The following KDM4C variants were observed in gnomAD, a reference collection of about 807,000 sequenced individuals.
The protein encoded by KDM4C is lysine-specific demethylase 4C.
A neutral mutation model predicts 129.3 loss-of-function variants in KDM4C; 81 were observed. The observed-to-expected ratio is 0.63, with a 90% CI of 0.52 to 0.75. KDM4C has a LOEUF of 0.75. Among genes scored for constraint, KDM4C ranks in the 30% least tolerant of loss-of-function variants. The pLI, the probability that KDM4C is intolerant of heterozygous loss-of-function variation, is 0.00. For synonymous variants in KDM4C, 573 were observed against 456.1 expected, an observed-to-expected ratio of 1.26 and a Z score of -3.26; for missense variants, 1,457 against 1,304.0, an observed-to-expected ratio of 1.12 and a Z score of -1.81.
In KDM4C at chr9:6,928,154, T is replaced by C. The variant is rs1183447939; in HGVS notation, c.921+34922T>C. On this transcript the variant is annotated intron_variant, in intron 8 of 21. Transcript: ENST00000381309. Reference sequence around the variant, plus strand: ...CAGGAGTCAGTTCTTCATCCTCATGTTACTCAACCCCTCACCCTCTCCATC... The same window carrying C: ...CAGGAGTCAGTTCTTCATCCTCATGCTACTCAACCCCTCACCCTCTCCATC... Among the ~76,000 whole-genome samples the C allele has an allele frequency of 3.3e-5, 5 of 152,302 alleles. No homozygotes were observed. In the South Asian group the frequency reaches 1.0e-3, roughly 32 times the overall value.
At chr9:6,913,472 G>T (rs905710586) in intron 8 of KDM4C, among the ~76,000 whole-genome samples, 2 of 152,138 alleles carry the variant, frequency 1.3e-5, no homozygotes, top group Non-Finnish European at 2.9e-5. Flanking sequence ...CATACCTTGC[G>T]CCAGCTGGTG....
intron 1 of KDM4C, among the ~76,000 whole-genome samples, chr9:6,747,233 C>T (rs1337934490): frequency 2.1e-5 from 3 of 143,922 alleles, no homozygotes; most frequent in Middle Eastern, 7.0e-3. Flanking sequence ...AACCAAAGAA[C>T]CTGAGAACAA....
At chr9:6,945,112 C>G (rs1826710685) in intron 8 of KDM4C, among the ~76,000 whole-genome samples, 1 of 152,168 alleles carries the variant, frequency 6.6e-6, no homozygotes, top group African/African-American at 2.4e-5. Flanking sequence ...CCTTCCACCT[C>G]TTACTCACTG....
At chr9:6,777,490 G>A (rs113947922) in intron 1 of KDM4C, among the ~76,000 whole-genome samples, 335 of 152,254 alleles carry the variant, frequency 2.2e-3, no homozygotes, top group African/African-American at 7.8e-3. Context: ...AATGTGATCT[G>A]CCTCATTTTA....
chr9:6,789,132 C>G (rs1826036750), intron 1 of KDM4C, among the ~76,000 whole-genome samples: 2 of 151,440 alleles, frequency 1.3e-5, no homozygotes, highest in South Asian at 2.1e-4. Flanking sequence ...TCACTGCACC[C>G]TCTGCCCCCC....
At position 6,805,672 on chromosome 9, in the gene KDM4C, T is replaced by C; in HGVS notation, c.218T>C (p.Ile73Thr). Residue 73 changes from isoleucine (I) to threonine (T), a missense_variant, in exon 3 of 22, where the codon ATT becomes ACT. Transcript: ENST00000381309. ...DIDNLLIPAPIQQMVTGQSGL... is the reference protein window; with the variant it reads ...DIDNLLIPAPTQQMVTGQSGL... Reference sequence around the variant, plus strand: ...GATAATTTGCTCATTCCAGCACCAATTCAGCAGATGGTCACAGGGCAGTCA... The same window carrying C: ...GATAATTTGCTCATTCCAGCACCAACTCAGCAGATGGTCACAGGGCAGTCA... The C allele has an allele frequency of 6.2e-7, 1 of 1,614,106 alleles. No homozygotes were observed. Among genetic ancestry groups the C allele is most frequent in the Non-Finnish European group, 8.5e-7 (1 of 1,179,980 alleles).
Position 7,046,991 on chromosome 9 carries a change from G to T in KDM4C, c.2315+74G>T, listed in dbSNP as rs1030635053. The T allele has an allele frequency of 3.8e-6, 4 of 1,050,460 alleles. No homozygotes were observed. In the African/African-American group the frequency reaches 6.3e-5, roughly 16 times the overall value. 65.1% of individuals were successfully genotyped at this position (1,050,460 alleles called of 1,614,324 possible). ...TTCTAGAACCTTTGGATGACAGTTC[G>T]CTTTACCTCTCATTGTACACGTGGT... is the stretch of plus-strand genomic sequence containing the variant. On this transcript the variant is annotated intron_variant, in intron 16 of 21. Transcript: ENST00000381309.
In KDM4C at chr9:6,877,469, G is replaced by C. The variant is rs562523637; in HGVS notation, c.630-2543G>C. 1.8e-3 allele frequency among the ~76,000 whole-genome samples: 269 copies of C among 152,216 alleles called. 1 individual carries two copies. Among genetic ancestry groups the C allele is most frequent in the African/African-American group, 6.1e-3 (255 of 41,530 alleles). ...CCCGCCTCGACCTCCCAAAGTGCTG[G>C]GATTACAGGCGTGAGCCACCACACC... is the stretch of plus-strand genomic sequence containing the variant. On this transcript the variant is annotated intron_variant, in intron 5 of 21. Transcript: ENST00000381309.
intron 16 of KDM4C, among the ~76,000 whole-genome samples, chr9:7,048,341 T>C (rs1392695395): frequency 6.6e-6 from 1 of 152,110 alleles, no homozygotes; most frequent in East Asian, 1.9e-4. Context: ...TGATACTGTT[T>C]GAGTGAAGTA....
intron 18 of KDM4C, among the ~76,000 whole-genome samples, chr9:7,112,485 A>T (rs1020334046): frequency 6.6e-6 from 1 of 152,114 alleles, no homozygotes; most frequent in African/African-American, 2.4e-5. Flanking sequence ...GACACTTTGG[A>T]GGTGGAATTA....
At chr9:6,832,068 G>C (rs543895395) in intron 4 of KDM4C, among the ~76,000 whole-genome samples, 1 of 152,080 alleles carries the variant, frequency 6.6e-6, no homozygotes, top group African/African-American at 2.4e-5. Context: ...GGCTGGGTGC[G>C]GTGGTCATGC....
At chr9:6,753,395 T>C (rs924792133), upstream of KDM4C, among the ~76,000 whole-genome samples, 1 of 152,208 alleles carries the variant, frequency 6.6e-6, no homozygotes, top group African/African-American at 2.4e-5. Context: ...TCTTGGTCTA[T>C]TTTGTGGTGC....
intron 18 of KDM4C, among the ~76,000 whole-genome samples, chr9:7,125,037 C>T (rs1387420885): frequency 6.6e-6 from 1 of 152,166 alleles, no homozygotes; most frequent in Non-Finnish European, 1.5e-5. Context: ...CTGTCTTCTA[C>T]ATCTAAACCC....
chr9:6,885,661 A>G (rs1230668524), intron 6 of KDM4C, among the ~76,000 whole-genome samples: 1 of 151,486 alleles, frequency 6.6e-6, no homozygotes, highest in African/African-American at 2.4e-5. Flanking sequence ...ATGGCAAGGA[A>G]TTGACTGTGT....
intron 4 of KDM4C, among the ~76,000 whole-genome samples, chr9:6,837,350 C>T (rs1836068829): frequency 6.6e-6 from 1 of 152,192 alleles, no homozygotes; most frequent in Non-Finnish European, 1.5e-5. Flanking sequence ...TGCTACTCTG[C>T]CCAGCTTATA....
chr9:6,997,009 A>T (rs1819877780), intron 12 of KDM4C, among the ~76,000 whole-genome samples: 1 of 149,804 alleles, frequency 6.7e-6, no homozygotes, highest in East Asian at 2.0e-4. Flanking sequence ...AGCACAAAGG[A>T]TAATATCTCT....
chr9:6,865,325 A>G (rs969313584), intron 5 of KDM4C, among the ~76,000 whole-genome samples: 6 of 152,060 alleles, frequency 3.9e-5, no homozygotes, highest in African/African-American at 1.4e-4. Flanking sequence ...AATTTCTTTG[A>G]TAAATTCTTG....
intron 17 of KDM4C, among the ~76,000 whole-genome samples, chr9:7,070,336 A>T (rs776216506): frequency 6.6e-6 from 1 of 152,200 alleles, no homozygotes; most frequent in Non-Finnish European, 1.5e-5. Flanking sequence ...TAGCAGTTCT[A>T]CCTAAACACT....
At chr9:7,133,168 T>G (rs1840824802) in intron 19 of KDM4C, among the ~76,000 whole-genome samples, 1 of 152,230 alleles carries the variant, frequency 6.6e-6, no homozygotes, top group South Asian at 2.1e-4. Context: ...GCCTGACATA[T>G]AGTAGGAAAA....
Sources: allele counts gnomAD v4.1 joint callset (sites outside exome capture counted in the v4.1 genomes callset), GRCh38; gene constraint gnomAD v4.1.1; transcripts MANE v1.5; gene names NCBI Gene and HGNC (gene_info 2026-07-23, HGNC 2026-07-21).